Variants in SAMD8 observed in about 807,000 individuals in gnomAD.
The protein encoded by SAMD8 is sphingomyelin synthase-related protein 1.
A neutral mutation model predicts 42.0 loss-of-function variants in SAMD8; 20 were observed. The observed-to-expected ratio is 0.48, with a 90% CI of 0.34 to 0.69. The LOEUF (loss-of-function observed/expected upper bound fraction) is 0.69, where lower values mean the gene tolerates loss of function less well. SAMD8 is among the 30% of genes least tolerant of loss of function. The pLI, the probability that SAMD8 is intolerant of heterozygous loss-of-function variation, is 0.01. For synonymous variants in SAMD8, 162 were observed against 173.0 expected, an observed-to-expected ratio of 0.94 and a Z score of 0.50; for missense variants, 328 against 511.6, an observed-to-expected ratio of 0.64 and a Z score of 3.46.
At chr10:75,151,427 C>T (rs1840284762) in intron 2 of SAMD8, among the ~76,000 whole-genome samples, 1 of 151,914 alleles carries the variant, frequency 6.6e-6, no homozygotes, top group Non-Finnish European at 1.5e-5. Context: ...GACCATGGCT[C>T]ACTGCAGTCT....
intron 2 of SAMD8, among the ~76,000 whole-genome samples, chr10:75,154,816 G>A (rs963910450): frequency 1.3e-5 from 2 of 152,152 alleles, no homozygotes; most frequent in African/African-American, 4.8e-5. Context: ...TAGAAAATTA[G>A]AGCTAACAGA....
intron 2 of SAMD8, among the ~76,000 whole-genome samples, chr10:75,157,501 C>T (rs902731178): frequency 6.6e-6 from 1 of 152,038 alleles, no homozygotes; most frequent in African/African-American, 2.4e-5. Flanking sequence ...GTGGAGGTTG[C>T]CATATGTGAT....
chr10:75,113,567 A>G (rs1293519220), intron 1 of SAMD8, among the ~76,000 whole-genome samples: 2 of 152,164 alleles, frequency 1.3e-5, no homozygotes, highest in South Asian at 4.1e-4. Context: ...ATGGATATCT[A>G]CTGTTTAATC....
Position 75,157,886 on chromosome 10 carries a change from G to A in SAMD8, c.579-6759G>A, listed in dbSNP as rs538718444. On this transcript the variant is annotated intron_variant, in intron 2 of 5. Coordinates refer to ENST00000542569, the MANE Select transcript of SAMD8 (RefSeq NM_001174156.2). ...GATGAGGAAAGAAGTAAGGCCGGGC[G>A]CGGTGTCTCACGCCTATAATCCCAG... 3.9e-5 allele frequency among the ~76,000 whole-genome samples: 6 copies of A among 152,270 alleles called. No individual in the cohort carries two copies. In the South Asian group the frequency reaches 6.2e-4, roughly 16 times the overall value.
At chr10:75,157,969 G>C (rs1243185268) in intron 2 of SAMD8, among the ~76,000 whole-genome samples, 1 of 152,072 alleles carries the variant, frequency 6.6e-6, no homozygotes, top group Admixed American at 6.6e-5. Context: ...AGACCAGCCT[G>C]ACCAACATGG....
intron 2 of SAMD8, among the ~76,000 whole-genome samples, chr10:75,160,883 C>T (rs1195448901): frequency 6.6e-6 from 1 of 152,132 alleles, no homozygotes; most frequent in African/African-American, 2.4e-5. Context: ...GCCTGGGCAA[C>T]ATGGTGAAAC....
intron 1 of SAMD8, chr10:75,101,841 C>G (rs113478061): frequency 5.9e-6 from 8 of 1,358,664 alleles, no homozygotes; most frequent in Admixed American, 1.9e-5. Context: ...CATCCTACCC[C>G]CCCCAAATTA....
intron 4 of SAMD8, among the ~76,000 whole-genome samples, 172 bp downstream of exon 4, chr10:75,168,830 C>G (rs1344536629): frequency 1.3e-5 from 2 of 152,194 alleles, no homozygotes; most frequent in African/African-American, 4.8e-5. Flanking sequence ...GATTCTACCT[C>G]TCTCTTATTT....
chr10:75,181,079 C>T lies in SAMD8; in HGVS notation c.*4387C>T, dbSNP rs1841073881. On this transcript the variant is annotated 3_prime_UTR_variant, in exon 6 of 6. Transcript: ENST00000542569. ...AAGGTAATGATAATATAGTCATTTG[C>T]CAGTACTTTAAGGTATTCAGGCATT... 6.6e-6 allele frequency: 1 copy of T among 152,060 alleles called. No homozygotes were observed. The highest frequency in any genetic ancestry group is 6.6e-5 in the Admixed American group (1 of 15,260). 9.4% of individuals were successfully genotyped at this position (152,060 alleles called of 1,614,324 possible). A position where few individuals can be genotyped will look rare whatever the true frequency, so the allele number is the denominator to read the frequency against.
chr10:75,140,504 A>G (rs1229879814), intron 1 of SAMD8, among the ~76,000 whole-genome samples: 1 of 152,210 alleles, frequency 6.6e-6, no homozygotes, highest in East Asian at 1.9e-4. Context: ...TCCCATGGTG[A>G]CTAAGAAAGG....
chr10:75,168,944 G>A (rs1240924356), intron 4 of SAMD8, among the ~76,000 whole-genome samples: 4 of 151,706 alleles, frequency 2.6e-5, no homozygotes, highest in African/African-American at 9.7e-5. Context: ...AGGCCGAGGC[G>A]GGCGGATCAT....
chr10:75,119,390 C>T (rs1033416538), intron 1 of SAMD8, among the ~76,000 whole-genome samples: 1 of 152,140 alleles, frequency 6.6e-6, no homozygotes, highest in Non-Finnish European at 1.5e-5. Flanking sequence ...CTCCTGACCT[C>T]AGGTGACCTG....
At position 75,176,681 on chromosome 10, in the gene SAMD8, C is replaced by A; in HGVS notation, c.1237C>A (p.Leu413Ile). The A allele has an allele frequency of 6.5e-7, 1 of 1,527,472 alleles. No individual in the cohort carries two copies. Among genetic ancestry groups the A allele is most frequent in the African/African-American group, 1.4e-5 (1 of 72,046 alleles). 94.6% of individuals were successfully genotyped at this position (1,527,472 alleles called of 1,614,324 possible). A position where few individuals can be genotyped will look rare whatever the true frequency, so the allele number is the denominator to read the frequency against. Residue 413 changes from leucine (L) to isoleucine (I), a missense_variant, in exon 6 of 6, where the codon CTA becomes ATA. This residue lies in a region of SAMD8 where 178 missense variants were observed against 325.6 expected (regional missense o/e 0.55). Transcript: ENST00000542569. The surrounding 1 kb of genome is among the most constrained non-coding windows in gnomAD (Gnocchi z 4.3). ...TTCAAAACCAGCAATAATGAAAAGA[C>A]TAATTGGATGAATACTATCTTTCTA... ...PFSKPAIMKR[L>I]IG
chr10:75,160,823 A>G (rs192257152), intron 2 of SAMD8, among the ~76,000 whole-genome samples: 6 of 152,328 alleles, frequency 3.9e-5, no homozygotes, highest in African/African-American at 1.4e-4. Context: ...ACTCAAGGCC[A>G]GGTACAGATA....
At chr10:75,133,168 A>G (rs1387717127) in intron 1 of SAMD8, among the ~76,000 whole-genome samples, 1 of 152,174 alleles carries the variant, frequency 6.6e-6, no homozygotes, top group African/African-American at 2.4e-5. Flanking sequence ...TGGGAGGCTG[A>G]GGCAGGCAGA....
rs1840636412 is a variant in SAMD8, at chr10:75,164,753, T to A, written c.674+13T>A. The A allele has an allele frequency of 6.4e-7, 1 of 1,569,050 alleles. No homozygotes were observed. Among genetic ancestry groups the A allele is most frequent in the Non-Finnish European group, 8.8e-7 (1 of 1,139,074 alleles). On this transcript the variant is annotated intron_variant, in intron 3 of 5. Transcript: ENST00000542569. ...TTCACAAGCACAGGTACCTCATTACTCCATTAAATGACTGAAAATGTTTTG... is the reference window on the plus strand; with the variant it reads ...TTCACAAGCACAGGTACCTCATTACACCATTAAATGACTGAAAATGTTTTG...
chr10:75,159,047 AT>A (rs981452768), intron 2 of SAMD8, among the ~76,000 whole-genome samples: 2 of 136,090 alleles, frequency 1.5e-5, no homozygotes, highest in Non-Finnish European at 1.5e-5. Flanking sequence ...GTGTAGACAA[AT>A]TTTTTTTTCT....
chr10:75,136,639 C>A (rs1440747967), intron 1 of SAMD8, among the ~76,000 whole-genome samples: 1 of 152,116 alleles, frequency 6.6e-6, no homozygotes, highest in Non-Finnish European at 1.5e-5. Flanking sequence ...TTTAAATTGG[C>A]CTGTCAGAGG....
intron 1 of SAMD8, among the ~76,000 whole-genome samples, chr10:75,126,658 C>T (rs1008035422): frequency 4.6e-5 from 7 of 151,532 alleles, no homozygotes; most frequent in African/African-American, 1.5e-4. Flanking sequence ...CGTGCCACCA[C>T]GCTGGCTAAT....
Sources: gnomAD v4.1 joint callset for allele counts (sites outside exome capture counted in the v4.1 genomes callset) on GRCh38, gnomAD v4.1.1 for gene constraint, gnomAD v4.1.1 regional missense constraint, Gnocchi (gnomAD v3.1) non-coding constraint, MANE v1.5 for transcripts, NCBI Gene and HGNC (gene_info 2026-07-23, HGNC 2026-07-21) for gene names.